PDS5B: variants seen among roughly 807,000 people sequenced by gnomAD.
The protein encoded by PDS5B is PDS5 cohesin associated factor B.
In PDS5B, 51 loss-of-function variants were observed where a neutral mutation model predicts 184.1. That is an observed-to-expected ratio of 0.28 (90% confidence interval 0.22 to 0.35). The LOEUF is 0.35. Ranked by LOEUF, PDS5B falls within the 10% of genes least tolerant of loss-of-function variation. The pLI is 1.00. For synonymous variants in PDS5B, 566 were observed against 569.2 expected, an observed-to-expected ratio of 0.99 and a Z score of 0.08; for missense variants, 1,180 against 1,723.3, an observed-to-expected ratio of 0.68 and a Z score of 5.58.
chr13:32,614,919 AGATT>A (rs2058195996), intron 1 of PDS5B, among the ~76,000 whole-genome samples: 1 of 152,202 alleles, frequency 6.6e-6, no homozygotes, highest in Non-Finnish European at 1.5e-5. Context: ...TCTCCAGTAG[AGATT>A]GATTGAGCTT....
intron 1 of PDS5B, among the ~76,000 whole-genome samples, chr13:32,589,503 T>G (rs1299313200): frequency 1.3e-5 from 2 of 152,148 alleles, no homozygotes; most frequent in Non-Finnish European, 2.9e-5. Flanking sequence ...CCGGGAGCCG[T>G]CTTTCTTTAT....
intron 1 of PDS5B, among the ~76,000 whole-genome samples, chr13:32,609,437 C>T (rs1271220290): frequency 6.6e-6 from 1 of 151,946 alleles, no homozygotes; most frequent in Non-Finnish European, 1.5e-5. Flanking sequence ...CTGTAATTAC[C>T]TTCTTCCACT....
At chr13:32,712,649 T>C (rs1952244873) in intron 19 of PDS5B, among the ~76,000 whole-genome samples, 1 of 152,186 alleles carries the variant, frequency 6.6e-6, no homozygotes, top group Non-Finnish European at 1.5e-5. Context: ...TGACAAGGGA[T>C]ATGTATTGGC....
At chr13:32,626,411 T>C (rs1345791719) in intron 1 of PDS5B, among the ~76,000 whole-genome samples, 1 of 152,204 alleles carries the variant, frequency 6.6e-6, no homozygotes, top group Non-Finnish European at 1.5e-5. Flanking sequence ...TGGAAAACCA[T>C]TGTTAGATAA....
chr13:32,677,039 T>C (rs1363316088), intron 9 of PDS5B, among the ~76,000 whole-genome samples: 3 of 151,994 alleles, frequency 2.0e-5, no homozygotes, highest in Non-Finnish European at 4.4e-5. Flanking sequence ...TAATGAAAAC[T>C]GTCAGTGATT....
At chr13:32,616,420 T>A (rs956649126) in intron 1 of PDS5B, among the ~76,000 whole-genome samples, 1 of 151,996 alleles carries the variant, frequency 6.6e-6, no homozygotes, top group African/African-American at 2.4e-5. Flanking sequence ...ATGGATACTA[T>A]TTTGCCTTTT....
chr13:32,757,829 C>G (rs1034194077), intron 26 of PDS5B, among the ~76,000 whole-genome samples: 1 of 152,140 alleles, frequency 6.6e-6, no homozygotes, highest in African/African-American at 2.4e-5. Context: ...TATGTTTCCC[C>G]TTTAACCCGC....
chr13:32,601,780 T>G (rs911676502), intron 1 of PDS5B, among the ~76,000 whole-genome samples: 1 of 152,254 alleles, frequency 6.6e-6, no homozygotes, highest in African/African-American at 2.4e-5. Flanking sequence ...TGTTTGTGGC[T>G]CTGACTTTAG....
chr13:32,648,227 C>T (rs947956272), intron 1 of PDS5B, among the ~76,000 whole-genome samples: 2 of 152,144 alleles, frequency 1.3e-5, no homozygotes, highest in Non-Finnish European at 2.9e-5. Context: ...AGGGTGGTGG[C>T]CTACATTAAT....
chr13:32,589,688 C>T (rs1487015341), intron 1 of PDS5B, among the ~76,000 whole-genome samples: 1 of 152,156 alleles, frequency 6.6e-6, no homozygotes, highest in Non-Finnish European at 1.5e-5. Flanking sequence ...CTTCTAGTTA[C>T]AATAGGCGTT....
At chr13:32,711,683 C>T (rs1952209340) in intron 19 of PDS5B, among the ~76,000 whole-genome samples, 1 of 152,164 alleles carries the variant, frequency 6.6e-6, no homozygotes, top group South Asian at 2.1e-4. Context: ...TAAGTAATCC[C>T]AGAGCATAAG....
intron 19 of PDS5B, among the ~76,000 whole-genome samples, chr13:32,714,660 G>C (rs1952316048): frequency 6.6e-6 from 1 of 152,176 alleles, no homozygotes; most frequent in African/African-American, 2.4e-5. Flanking sequence ...ATTTGCTTTT[G>C]AAAGAAGAGA....
At chr13:32,767,045 A>T (rs1344904077) in intron 31 of PDS5B, among the ~76,000 whole-genome samples, 4 of 152,156 alleles carry the variant, frequency 2.6e-5, no homozygotes, top group Admixed American at 1.3e-4. Flanking sequence ...AACAAACTAA[A>T]TCCAGTCATG....
Position 32,758,666 on chromosome 13 carries a change from C to A in PDS5B, c.3309+13C>A, listed in dbSNP as rs376244997. The A allele has an allele frequency of 1.1e-5, 18 of 1,612,124 alleles. No homozygotes were observed. Among genetic ancestry groups the A allele is most frequent in the Non-Finnish European group, 1.5e-5 (18 of 1,179,010 alleles). On this transcript the variant is annotated intron_variant, in intron 28 of 34. Transcript: ENST00000315596. The stretch of plus-strand genomic sequence containing the variant: ...TCAACCTGACAAGGTAGTTACTTTA[C>A]AATTTGTTTGTGTAAGTTGAAATAA...
intron 6 of PDS5B, among the ~76,000 whole-genome samples, chr13:32,665,588 CAAAAAAAAAAAAAAA>C (rs34604938): frequency 7.7e-5 from 2 of 25,874 alleles, no homozygotes; most frequent in Admixed American, 6.6e-4. Flanking sequence ...GACTCCGACT[CAAAAAAAAAAAAAAA>C]AAAAAAAAAA....
chr13:32,622,673 G>T (rs1466222351), intron 1 of PDS5B, among the ~76,000 whole-genome samples: 1 of 152,030 alleles, frequency 6.6e-6, no homozygotes, highest in African/African-American at 2.4e-5. Flanking sequence ...GTCCCTCCGG[G>T]TCTATCAGTT....
chr13:32,606,390 T>C (rs1007167511), intron 1 of PDS5B, among the ~76,000 whole-genome samples: 15 of 152,358 alleles, frequency 9.8e-5, no homozygotes, highest in Non-Finnish European at 1.0e-4. Flanking sequence ...TGTTGAATAT[T>C]GGCCCCCACT....
chr13:32,628,567 A>G (rs1593286189), intron 1 of PDS5B, among the ~76,000 whole-genome samples: 1 of 151,012 alleles, frequency 6.6e-6, no homozygotes, highest in South Asian at 2.1e-4. Context: ...AAAAAAAAAA[A>G]TTATGCTCTA....
chr13:32,708,529 A>G (rs1406057841), intron 18 of PDS5B, among the ~76,000 whole-genome samples: 1 of 152,166 alleles, frequency 6.6e-6, no homozygotes, highest in Non-Finnish European at 1.5e-5. Context: ...TCTTGGAGCA[A>G]TATATATTTA....
Sources: allele counts gnomAD v4.1 joint callset (sites outside exome capture counted in the v4.1 genomes callset), GRCh38; gene constraint gnomAD v4.1.1; transcripts MANE v1.5; gene names NCBI Gene and HGNC (gene_info 2026-07-23, HGNC 2026-07-21).